HCN1: variants seen among roughly 807,000 people sequenced by gnomAD.
HCN1 encodes potassium/sodium hyperpolarization-activated cyclic nucleotide-gated channel 1.
In HCN1, 13 loss-of-function variants were observed where a neutral mutation model predicts 78.9. The observed-to-expected ratio is 0.16, with a 90% CI of 0.11 to 0.26. The LOEUF is 0.26. Among genes scored for constraint, HCN1 ranks in the 10% least tolerant of loss-of-function variants. The pLI is 1.00. For synonymous variants in HCN1, 552 were observed against 455.5 expected, an observed-to-expected ratio of 1.21 and a Z score of -2.70; for missense variants, 810 against 1,154.3, an observed-to-expected ratio of 0.70 and a Z score of 4.32.
intron 1 of HCN1, among the ~76,000 whole-genome samples, chr5:45,651,419 T>C (rs2112040986): frequency 1.3e-5 from 2 of 152,086 alleles, no homozygotes; most frequent in South Asian, 4.1e-4. Flanking sequence ...AAGAATGGCC[T>C]CTTGATATCA....
intron 3 of HCN1, among the ~76,000 whole-genome samples, chr5:45,438,521 G>A (rs1158810560): frequency 6.6e-5 from 10 of 151,432 alleles, no homozygotes; most frequent in Admixed American, 4.6e-4. Context: ...AACCTGGGAG[G>A]TGGAGCTTGC....
chr5:45,324,040 T>C (rs1021755681), intron 5 of HCN1, among the ~76,000 whole-genome samples: 4 of 151,960 alleles, frequency 2.6e-5, no homozygotes, highest in African/African-American at 9.7e-5. Flanking sequence ...TGTGTCTTTA[T>C]AGCTGCATGA....
chr5:45,348,686 G>C (rs947100533), intron 5 of HCN1, among the ~76,000 whole-genome samples: 1 of 151,960 alleles, frequency 6.6e-6, no homozygotes, highest in African/African-American at 2.4e-5. Flanking sequence ...GATCTACCAA[G>C]CAAATGGAAA....
chr5:45,601,838 T>C (rs1031816165), intron 2 of HCN1, among the ~76,000 whole-genome samples: 2 of 152,112 alleles, frequency 1.3e-5, no homozygotes, highest in Admixed American at 6.6e-5. Flanking sequence ...CCAAAATTCA[T>C]ATGTTGAAGT....
chr5:45,316,799 G>A (rs1746003387), intron 5 of HCN1, among the ~76,000 whole-genome samples: 1 of 152,094 alleles, frequency 6.6e-6, no homozygotes, highest in South Asian at 2.1e-4. Context: ...AATCATGAGT[G>A]AACTCCCATT....
At chr5:45,307,742 G>T (rs542766963) in intron 5 of HCN1, among the ~76,000 whole-genome samples, 2 of 152,154 alleles carry the variant, frequency 1.3e-5, no homozygotes, top group Non-Finnish European at 2.9e-5. Flanking sequence ...ATCCTGGATG[G>T]GATCCTAGGA....
chr5:45,302,081 C>A (rs1745637841), intron 6 of HCN1, among the ~76,000 whole-genome samples: 1 of 151,954 alleles, frequency 6.6e-6, no homozygotes, highest in South Asian at 2.1e-4. Context: ...AAAATGCAAA[C>A]AGAAATACAA....
At chr5:45,635,622 TC>T (rs1745342884) in intron 2 of HCN1, among the ~76,000 whole-genome samples, 2 of 152,086 alleles carry the variant, frequency 1.3e-5, no homozygotes, top group Non-Finnish European at 2.9e-5. Flanking sequence ...CAGACTTAAC[TC>T]AAAATAGCCA....
chr5:45,567,965 T>C (rs1159398805), intron 2 of HCN1, among the ~76,000 whole-genome samples: 2 of 151,708 alleles, frequency 1.3e-5, no homozygotes, highest in East Asian at 3.9e-4. Flanking sequence ...CACTGCTATC[T>C]ATGGTAATTA....
chr5:45,631,538 T>C (rs187627670), intron 2 of HCN1, among the ~76,000 whole-genome samples: 2 of 152,180 alleles, frequency 1.3e-5, no homozygotes, highest in African/African-American at 4.8e-5. Flanking sequence ...TAAGATATTT[T>C]TGCCTGCATG....
intron 2 of HCN1, among the ~76,000 whole-genome samples, chr5:45,493,686 G>A (rs1172515561): frequency 6.6e-6 from 1 of 151,164 alleles, no homozygotes; most frequent in Non-Finnish European, 1.5e-5. Flanking sequence ...TGCCATGCTG[G>A]TGCGCTGCAC....
intron 1 of HCN1, among the ~76,000 whole-genome samples, chr5:45,655,909 C>T (rs1468511054): frequency 6.6e-6 from 1 of 152,098 alleles, no homozygotes; most frequent in Non-Finnish European, 1.5e-5. Context: ...AAGCAAGAGT[C>T]AAATGTAGTA....
At chr5:45,445,583 C>G (rs1257603786) in intron 3 of HCN1, among the ~76,000 whole-genome samples, 4 of 152,216 alleles carry the variant, frequency 2.6e-5, no homozygotes, top group African/African-American at 9.6e-5. Flanking sequence ...AGACTGCCTC[C>G]TCAAGTGGGT....
intron 5 of HCN1, among the ~76,000 whole-genome samples, chr5:45,345,265 T>C (rs1281756224): frequency 6.6e-6 from 1 of 152,128 alleles, no homozygotes; most frequent in East Asian, 1.9e-4. Flanking sequence ...CTCATGAAAC[T>C]ATTTTTTCCC....
chr5:45,372,140 A>ATAATT (rs372774682), intron 4 of HCN1, among the ~76,000 whole-genome samples: 5 of 53,686 alleles, frequency 9.3e-5, no homozygotes, highest in African/African-American at 5.4e-4. Context: ...ATAATATAAT[A>ATAATT]ATATATTATA....
chr5:45,301,872 T>C (rs1745630089), intron 6 of HCN1, among the ~76,000 whole-genome samples: 1 of 151,996 alleles, frequency 6.6e-6, no homozygotes, highest in Non-Finnish European at 1.5e-5. Context: ...ACAGATATTG[T>C]AAATGCAATT....
chr5:45,668,306 G>A (rs1746089574), intron 1 of HCN1, among the ~76,000 whole-genome samples: 1 of 151,714 alleles, frequency 6.6e-6, no homozygotes, highest in Non-Finnish European at 1.5e-5. Context: ...TTGGATCATG[G>A]GGGCACTTTC....
At chr5:45,552,493 T>C (rs537456311) in intron 2 of HCN1, among the ~76,000 whole-genome samples, 2 of 152,122 alleles carry the variant, frequency 1.3e-5, no homozygotes, top group South Asian at 2.1e-4. Context: ...TTATTTAGTA[T>C]TTCCATCTAT....
intron 2 of HCN1, among the ~76,000 whole-genome samples, chr5:45,554,857 C>G (rs1022947715): frequency 6.6e-6 from 1 of 151,864 alleles, no homozygotes; most frequent in African/African-American, 2.4e-5. Flanking sequence ...AGGAGCATCT[C>G]ACCCCTTCTT....
Sources: gnomAD v4.1 joint callset for allele counts (sites outside exome capture counted in the v4.1 genomes callset) on GRCh38, gnomAD v4.1.1 for gene constraint, MANE v1.5 for transcripts, NCBI Gene and HGNC (gene_info 2026-07-23, HGNC 2026-07-21) for gene names.